Variants in ZNF565 observed in about 807,000 individuals in gnomAD.
The protein encoded by ZNF565 is zinc finger protein 565.
A neutral mutation model predicts 39.4 loss-of-function variants in ZNF565; 27 were observed. That is an observed-to-expected ratio of 0.69 (90% CI 0.51 to 0.95). The LOEUF (loss-of-function observed/expected upper bound fraction) is 0.95, where lower values mean the gene tolerates loss of function less well. ZNF565 is among the 40% of genes least tolerant of loss of function. ZNF565 has a pLI of 0.00. For missense variants in ZNF565, 524 were observed against 621.1 expected (o/e 0.84, Z 1.66); for synonymous variants, 185 against 216.6 (o/e 0.85, Z 1.28).
chr19:36,194,188 G>A (rs372141793), intron 4 of ZNF565, 45 bp downstream of exon 4: 10 of 1,517,480 alleles, frequency 6.6e-6, no homozygotes, highest in Admixed American at 3.9e-5. Context: ...CCTGTCAGTC[G>A]ACTCATCCAG....
chr19:36,186,874 C>T (rs1201676281), intron 4 of ZNF565, among the ~76,000 whole-genome samples: 1 of 151,904 alleles, frequency 6.6e-6, no homozygotes, highest in African/African-American at 2.4e-5. Flanking sequence ...CACTTTAAGA[C>T]ATGAAGACCT....
chr19:36,229,030 T>C (rs1977203531), intron 1 of ZNF565, among the ~76,000 whole-genome samples: 2 of 152,260 alleles, frequency 1.3e-5, no homozygotes, highest in African/African-American at 4.8e-5. Flanking sequence ...GCGCCCCTCC[T>C]GTTGCTGTTC....
intron 1 of ZNF565, among the ~76,000 whole-genome samples, chr19:36,243,033 TTTTG>T (rs559444538): frequency 3.9e-4 from 60 of 152,218 alleles, no homozygotes; most frequent in Admixed American, 1.2e-3. Context: ...GTTTTGGTCT[TTTTG>T]TTTGTTTGTT....
chr19:36,192,610 G>A (rs1045823674), intron 4 of ZNF565, among the ~76,000 whole-genome samples: 7 of 152,038 alleles, frequency 4.6e-5, no homozygotes, highest in Admixed American at 2.0e-4. Flanking sequence ...GTGTGGTAGC[G>A]TGCACCTGTA....
intron 1 of ZNF565, among the ~76,000 whole-genome samples, chr19:36,244,605 C>T (rs1482153695): frequency 6.6e-6 from 1 of 151,856 alleles, no homozygotes; most frequent in Non-Finnish European, 1.5e-5. Flanking sequence ...GTAATTTCAG[C>T]ACTTTGGGAG....
At chr19:36,215,731 A>G (rs2438514), upstream of ZNF565, among the ~76,000 whole-genome samples, 52,124 of 151,848 alleles carry the variant, frequency 0.34, 9,486 homozygotes, top group South Asian at 0.48. Context: ...GACTATTCAA[A>G]TCCCCATCTT....
intron 1 of ZNF565, among the ~76,000 whole-genome samples, chr19:36,241,613 T>C (rs973362562): frequency 2.7e-5 from 4 of 150,692 alleles, no homozygotes; most frequent in Non-Finnish European, 5.9e-5. Flanking sequence ...GCCAACATGG[T>C]GAAACCCTGT....
chr19:36,193,569 T>A (rs541982266), intron 4 of ZNF565, among the ~76,000 whole-genome samples: 1 of 149,990 alleles, frequency 6.7e-6, no homozygotes, highest in African/African-American at 2.5e-5. Flanking sequence ...GCCTCCCGAG[T>A]AGCTGGAACT....
rs77455265 is a variant in ZNF565 at position 36,220,188 on chromosome 19, T to C, written c.56-18138A>G. 4.9e-4 allele frequency among the ~76,000 whole-genome samples: 75 copies of C among 152,238 alleles called. 2 individuals carry two copies. In the East Asian group the frequency reaches 0.013, roughly 27 times the overall value. ...ATGGTATTAGAGACAAGATCAAGGG[T>C]GTGCTCATTGCCCAGGGGTAACATT... On this transcript the variant is annotated intron_variant, in intron 1 of 4. Transcript: ENST00000355114.
intron 1 of ZNF565, among the ~76,000 whole-genome samples, chr19:36,235,463 T>C (rs924680763): frequency 6.6e-6 from 1 of 152,212 alleles, no homozygotes; most frequent in African/African-American, 2.4e-5. Context: ...ATTAATAATA[T>C]AGATTATTTT....
intron 4 of ZNF565, 103 bp from the exon 5 acceptor site, chr19:36,183,836 C>CAA: frequency 9.3e-7 from 1 of 1,077,050 alleles, no homozygotes; most frequent in Non-Finnish European, 1.3e-6. Context: ...TCTGTAATCC[C>CAA]AGCACTTTGG....
intron 1 of ZNF565, among the ~76,000 whole-genome samples, chr19:36,209,925 T>G (rs577706299): frequency 6.6e-6 from 1 of 151,936 alleles, no homozygotes; most frequent in South Asian, 2.1e-4. Context: ...ATATTATGGT[T>G]AATGTGAGCC....
At chr19:36,213,200 T>C (rs1976430081) in intron 1 of ZNF565, 2 of 152,418 alleles carry the variant, frequency 1.3e-5, no homozygotes, top group South Asian at 4.1e-4. Flanking sequence ...CACACAAACA[T>C]AACCACACAT....
intron 2 of ZNF565, among the ~76,000 whole-genome samples, chr19:36,201,130 G>T (rs1975948700): frequency 6.6e-6 from 1 of 151,978 alleles, no homozygotes; most frequent in Non-Finnish European, 1.5e-5. Flanking sequence ...AGTGAGACCT[G>T]GTCTCTACAA....
At chr19:36,187,343 T>TATTTA (rs949492216) in intron 4 of ZNF565, among the ~76,000 whole-genome samples, 2 of 151,952 alleles carry the variant, frequency 1.3e-5, no homozygotes, top group Admixed American at 1.3e-4. Flanking sequence ...TATTTATTTT[T>TATTTA]ATTTATTTTT....
Position 36,195,033 on chromosome 19 carries a change from G to T in ZNF565, c.133C>A (p.Leu45Ile), listed in dbSNP as rs776078349. ...CCGTGTGATACAATCTCCTTACCTA[G>T]TGAGGCCAAGTGACCAAAGTTCTCC... ...TLENFGHLAS[L>I]GLSISKPDVV... Residue 45 changes from leucine (L) to isoleucine (I), a missense_variant, in exon 3 of 5, where the codon CTA (leucine) becomes ATA (isoleucine). Transcript: ENST00000304116. The T allele has an allele frequency of 6.2e-7, 1 of 1,614,082 alleles. No homozygotes were observed. Among genetic ancestry groups the T allele is most frequent in the Admixed American group, 1.7e-5 (1 of 59,976 alleles).
At chr19:36,192,546 G>T (rs1975596246) in intron 4 of ZNF565, among the ~76,000 whole-genome samples, 1 of 151,982 alleles carries the variant, frequency 6.6e-6, no homozygotes, top group South Asian at 2.1e-4. Flanking sequence ...TTTGAGACCA[G>T]CCTGGCCAAC....
intron 1 of ZNF565, among the ~76,000 whole-genome samples, chr19:36,234,640 G>T (rs968033851): frequency 6.6e-6 from 1 of 152,100 alleles, no homozygotes; most frequent in African/African-American, 2.4e-5. Flanking sequence ...CTCGTGATCC[G>T]CCCACCTCGG....
upstream of ZNF565, among the ~76,000 whole-genome samples, chr19:36,218,673 G>A (rs1163748095): frequency 1.3e-5 from 2 of 152,024 alleles, no homozygotes; most frequent in Non-Finnish European, 1.5e-5. Flanking sequence ...GTTTCACCGC[G>A]TTAGCCAGGA....
Sources: allele counts gnomAD v4.1 joint callset (sites outside exome capture counted in the v4.1 genomes callset), GRCh38; gene constraint gnomAD v4.1.1; transcripts MANE v1.5; gene names NCBI Gene and HGNC (gene_info 2026-07-23, HGNC 2026-07-21).